Variants in PGCKA1 observed in about 807,000 individuals in gnomAD.
PGCKA1 encodes PDCD10 and GCKIII kinases-associated protein 1.
the PGCKA1 span, among the ~76,000 whole-genome samples, chr4:37,569,409 G>A: frequency 2.0e-5 from 3 of 151,912 alleles, no homozygotes; most frequent in Non-Finnish European, 4.4e-5. Context: ...ATGTTAGCCA[G>A]GCTGGTCTTG....
the PGCKA1 span, among the ~76,000 whole-genome samples, chr4:37,465,289 A>C: frequency 6.6e-6 from 1 of 152,028 alleles, no homozygotes; most frequent in South Asian, 2.1e-4. Flanking sequence ...TTTATTGAAC[A>C]AGCATCTGCG....
chr4:37,542,231 C>T, the PGCKA1 span, among the ~76,000 whole-genome samples: 11 of 152,312 alleles, frequency 7.2e-5, no homozygotes, highest in East Asian at 2.1e-3. Context: ...TGCATTTACC[C>T]TGCACCACTA....
chr4:37,524,301 C>T, the PGCKA1 span, among the ~76,000 whole-genome samples: 2 of 152,164 alleles, frequency 1.3e-5, no homozygotes, highest in South Asian at 2.1e-4. Context: ...TGGGAGTGCC[C>T]TGGTTGGGCC....
chr4:37,510,313 A>C, the PGCKA1 span, among the ~76,000 whole-genome samples: 1 of 152,044 alleles, frequency 6.6e-6, no homozygotes, highest in Non-Finnish European at 1.5e-5. Context: ...AGTATTTATT[A>C]TAGTCTTTGC....
the PGCKA1 span, among the ~76,000 whole-genome samples, chr4:37,533,191 G>A: frequency 3.9e-5 from 6 of 152,120 alleles, no homozygotes; most frequent in African/African-American, 1.4e-4. Flanking sequence ...TTTGGCTTAA[G>A]CAGTAGGATT....
the PGCKA1 span, among the ~76,000 whole-genome samples, chr4:37,553,459 T>C: frequency 3.3e-5 from 5 of 152,228 alleles, no homozygotes; most frequent in Admixed American, 2.6e-4. Context: ...TTGTTTGATA[T>C]AGGGTATTGT....
At chr4:37,586,449 G>A in the PGCKA1 span, among the ~76,000 whole-genome samples, 2 of 152,134 alleles carry the variant, frequency 1.3e-5, no homozygotes, top group South Asian at 4.1e-4. Context: ...AAGGAAAGAG[G>A]GTGGCAAGAG....
the PGCKA1 span, among the ~76,000 whole-genome samples, chr4:37,519,989 A>G: frequency 5.3e-5 from 8 of 152,322 alleles, no homozygotes; most frequent in African/African-American, 1.9e-4. Flanking sequence ...GAATTTCATC[A>G]AATGCTTTTT....
chr4:37,486,595 T>G, the PGCKA1 span, among the ~76,000 whole-genome samples: 1 of 152,140 alleles, frequency 6.6e-6, no homozygotes, highest in African/African-American at 2.4e-5. Flanking sequence ...TGTCAACCCT[T>G]TGCCAAGTGA....
chr4:37,571,943 A>T, the PGCKA1 span, among the ~76,000 whole-genome samples: 1 of 150,490 alleles, frequency 6.6e-6, no homozygotes, highest in Admixed American at 6.6e-5. Context: ...TATAGGGAAT[A>T]TCTTAATAAC....
the PGCKA1 span, among the ~76,000 whole-genome samples, chr4:37,558,269 C>T: frequency 2.6e-5 from 4 of 152,228 alleles, no homozygotes; most frequent in East Asian, 5.8e-4. Flanking sequence ...TTCCTTTTTA[C>T]GTTTGTTTTT....
the PGCKA1 span, among the ~76,000 whole-genome samples, chr4:37,546,290 T>C: frequency 2.0e-5 from 3 of 152,208 alleles, no homozygotes; most frequent in African/African-American, 7.2e-5. Flanking sequence ...ACAGGCAGCC[T>C]GGCGCCAGGC....
the PGCKA1 span, among the ~76,000 whole-genome samples, chr4:37,490,806 C>A: frequency 1.3e-5 from 2 of 152,210 alleles, no homozygotes; most frequent in East Asian, 3.9e-4. Flanking sequence ...ACTCTACTCC[C>A]AGTTACCAGA....
the PGCKA1 span, among the ~76,000 whole-genome samples, chr4:37,544,811 C>G: frequency 3.4e-5 from 5 of 148,616 alleles, no homozygotes; most frequent in South Asian, 4.3e-4. Context: ...CCTCCAAGTG[C>G]TTTTTGTTGG....
chr4:37,487,220 C>T, the PGCKA1 span, among the ~76,000 whole-genome samples: 1 of 152,208 alleles, frequency 6.6e-6, no homozygotes. Context: ...GACCCCCACA[C>T]ACTCTCTTAT....
the PGCKA1 span, among the ~76,000 whole-genome samples, chr4:37,546,235 C>T: frequency 3.3e-5 from 5 of 152,144 alleles, no homozygotes; most frequent in Non-Finnish European, 5.9e-5. Context: ...TTGTTTTATA[C>T]TCAGTACCTG....
the PGCKA1 span, chr4:37,590,420 C>T: frequency 4.3e-5 from 69 of 1,613,188 alleles, no homozygotes; most frequent in African/African-American, 6.5e-4. Context: ...GACAGGGGCT[C>T]CTGGGCCAGT....
chr4:37,487,372 A>G, the PGCKA1 span, among the ~76,000 whole-genome samples: 1 of 152,166 alleles, frequency 6.6e-6, no homozygotes, highest in African/African-American at 2.4e-5. Context: ...CTATCAAGTA[A>G]TGTATCTTTT....
the PGCKA1 span, among the ~76,000 whole-genome samples, chr4:37,527,507 A>G: frequency 6.6e-6 from 1 of 152,004 alleles, no homozygotes; most frequent in Non-Finnish European, 1.5e-5. Context: ...CCTTTTCTCT[A>G]TTTATGTTTA....
Sources: allele counts gnomAD v4.1 joint callset (sites outside exome capture counted in the v4.1 genomes callset), GRCh38; gene constraint gnomAD v4.1.1; transcripts MANE v1.5; gene names NCBI Gene and HGNC (gene_info 2026-07-23, HGNC 2026-07-21).